The following SEC16A variants were observed in gnomAD, a reference collection of about 807,000 sequenced individuals.
The protein encoded by SEC16A is SEC16 homolog A, endoplasmic reticulum export factor.
SEC16A carries 110 observed loss-of-function variants against 221.9 expected under a neutral mutation model. The observed-to-expected ratio is 0.50, with a 90% CI of 0.42 to 0.58. The LOEUF is 0.58. SEC16A is among the 20% of genes least tolerant of loss of function. SEC16A has a pLI of 0.00. For missense variants in SEC16A, 3,165 were observed against 3,097.8 expected, an observed-to-expected ratio of 1.02 and a Z score of -0.52; for synonymous variants, 1,393 against 1,257.7, an observed-to-expected ratio of 1.11 and a Z score of -2.28.
intron 28 of SEC16A, among the ~76,000 whole-genome samples, chr9:136,446,635 G>A (rs886625221): frequency 6.6e-6 from 1 of 151,960 alleles, no homozygotes; most frequent in Non-Finnish European, 1.5e-5. Context: ...AACCATCACC[G>A]CCACTATCCC....
chr9:136,477,390 G>C lies in SEC16A; in HGVS notation c.226C>G (p.Pro76Ala). ...GCGGGGGCTGGGCCTTGCAAGACAGGTGGACTGCTTTTGGACGAACTGCCC... is the reference window on the plus strand; with the variant it reads ...GCGGGGGCTGGGCCTTGCAAGACAGCTGGACTGCTTTTGGACGAACTGCCC... ...PLGSSSKSSP[P>A]VLQGPAPAGF... is the part of the protein sequence containing the mutation. The change falls in exon 3 of 32, where the codon CCT becomes GCT. Residue 76 changes from proline (P) to alanine (A), a missense_variant. Coordinates refer to ENST00000684901, the MANE Select transcript of SEC16A (RefSeq NM_014866.2). 1.2e-6 allele frequency: 2 copies of C among 1,614,004 alleles called. No individual in the cohort carries two copies. The highest frequency in any genetic ancestry group is 1.7e-6 in the Non-Finnish European group (2 of 1,179,892).
In SEC16A at chr9:136,463,020, A is replaced by G. The variant is rs750504277; in HGVS notation, c.4760T>C (p.Val1587Ala). 8 of 1,612,156 alleles carry G rather than the reference A, an allele frequency of 5.0e-6. No individual in the cohort carries two copies. The highest frequency in any genetic ancestry group is 1.1e-5 in the South Asian group (1 of 91,088). Residue 1587 changes from valine (V) to alanine (A), a missense_variant, in exon 12 of 32, where the codon GTG (valine) becomes GCG (alanine). Transcript: ENST00000684901. Reference sequence around the variant, plus strand: ...AGACTCCTCCTCTTCCACCTGCTCCACTGCCTCATTCGTGAAATCAATCAG... The same window carrying G: ...AGACTCCTCCTCTTCCACCTGCTCCGCTGCCTCATTCGTGAAATCAATCAG... ...ANLIDFTNEA[V>A]EQVEEEESGE...
intron 30 of SEC16A, among the ~76,000 whole-genome samples, chr9:136,444,778 C>G (rs1290754069): frequency 6.6e-6 from 1 of 151,334 alleles, no homozygotes; most frequent in Non-Finnish European, 1.5e-5. Context: ...CTCAGGAAGG[C>G]CGAGACAGGA....
In SEC16A at chr9:136,450,579, G is replaced by A. The variant is rs191411751; in HGVS notation, c.6312+677C>T. 5.9e-5 allele frequency among the ~76,000 whole-genome samples: 9 copies of A among 152,250 alleles called. No homozygotes were observed. In the South Asian group the frequency reaches 6.2e-4, roughly 11 times the overall value. Reference sequence around the variant, plus strand: ...GAGAAGGTGCCCAGCGTCACACCTCGCTGTGGAGATGCAGAGGAAGACACA... The same window carrying A: ...GAGAAGGTGCCCAGCGTCACACCTCACTGTGGAGATGCAGAGGAAGACACA... On this transcript the variant is annotated intron_variant, in intron 23 of 31. Transcript: ENST00000684901.
chr9:136,458,130 ATTTTTTTT>A (rs1222002410), intron 17 of SEC16A, among the ~76,000 whole-genome samples: 1 of 116,246 alleles, frequency 8.6e-6, no homozygotes, highest in South Asian at 2.8e-4. Flanking sequence ...TAATTTTTGT[ATTTTTTTT>A]TTTTTTTTTT....
At chr9:136,461,083 G>A in intron 13 of SEC16A, 94 bp downstream of exon 13, 1 of 936,074 alleles carries the variant, frequency 1.1e-6, no homozygotes, top group Non-Finnish European at 1.7e-6. Context: ...AGTCAAGTGA[G>A]ATCCGCCTGC....
Position 136,475,567 on chromosome 9 carries a change from C to T in SEC16A, c.2049G>A (p.Thr683=), listed in dbSNP as rs764881602. Residue 683 remains threonine, a synonymous_variant, in exon 3 of 32, where the codon ACG becomes ACA. Transcript: ENST00000684901. The surrounding 1 kb of genome is among the most constrained non-coding windows in gnomAD (Gnocchi z 5.0). ...CGTGCGGAAGCATGTGCACAGCTTC[C>T]GTGGTGGAGTTAAGAGGCAGGGGAC... The part of the protein sequence containing the change: ...QVCPLPLNST[T]EAVHMLPHAG... 26 of 1,613,340 alleles carry T rather than the reference C, an allele frequency of 1.6e-5. No individual in the cohort carries two copies. The East Asian group carries it at 2.0e-4, about 12-fold the overall frequency.
chr9:136,466,474 C>T lies in SEC16A; in HGVS notation c.3930-12G>A. ...CACGTTTCTCGGGCCTAGAGGAAGC[C>T]GGGGGACAGAGGCAGAGGAATGGGA... On this transcript the variant is annotated splice_polypyrimidine_tract_variant and intron_variant, in intron 6 of 31. Coordinates refer to ENST00000684901, the MANE Select transcript of SEC16A (RefSeq NM_014866.2). The surrounding 1 kb of genome is among the most constrained non-coding windows in gnomAD (Gnocchi z 5.5). 3 of 1,590,508 alleles carry T rather than the reference C, an allele frequency of 1.9e-6. No homozygotes were observed. The highest frequency in any genetic ancestry group is 2.3e-5 in the East Asian group (1 of 44,214).
In SEC16A at chr9:136,457,523, T is replaced by C. The variant is rs1838852595; in HGVS notation, c.5471A>G (p.His1824Arg). Residue 1824 changes from histidine (H) to arginine (R), a missense_variant, in exon 18 of 32, where the codon CAC becomes CGC. Around this residue, in one of 3 missense-constraint regions of SEC16A, gnomAD observed 1,088 missense variants for 1,089.6 expected, o/e 1.00. Transcript: ENST00000684901. ...AEMGLATQAF[H>R]YCEAIAKSIL... Reference sequence around the variant, plus strand: ...GCTCTTCGCGATGGCCTCACAGTAGTGGAAGGCTTGCGTGGCCAGCCCCAT... The same window carrying C: ...GCTCTTCGCGATGGCCTCACAGTAGCGGAAGGCTTGCGTGGCCAGCCCCAT... 1.2e-6 allele frequency: 2 copies of C among 1,610,448 alleles called. No individual in the cohort carries two copies. The highest frequency in any genetic ancestry group is 8.5e-7 in the Non-Finnish European group (1 of 1,178,320).
Position 136,441,711 on chromosome 9 carries a change from C to T in SEC16A, c.*44G>A, listed in dbSNP as rs371149854. 1.6e-5 allele frequency: 25 copies of T among 1,584,548 alleles called. No homozygotes were observed. In the African/African-American group the frequency reaches 2.8e-4, roughly 18 times the overall value. On this transcript the variant is annotated 3_prime_UTR_variant, in exon 32 of 32. Coordinates refer to ENST00000684901, the MANE Select transcript of SEC16A (RefSeq NM_014866.2). ...GGTCGGTCGGGTTCTTCGGGGAGAA[C>T]AGCAGCGTCAGGGCTCCAAGTGCAA...
chr9:136,483,110 T>A (rs981217700), upstream of SEC16A: 1 of 768,636 alleles, frequency 1.3e-6, no homozygotes, highest in African/African-American at 1.9e-5. Flanking sequence ...GCCCCGCCCC[T>A]GGCCCCGCCC....
chr9:136,459,251 G>C lies in SEC16A; in HGVS notation c.5304-12C>G. 1 of 1,610,118 alleles carries C rather than the reference G, an allele frequency of 6.2e-7. No homozygotes were observed. The highest frequency in any genetic ancestry group is 8.5e-7 in the Non-Finnish European group (1 of 1,177,940). On this transcript the variant is annotated splice_polypyrimidine_tract_variant and intron_variant, in intron 16 of 31. Transcript: ENST00000684901. The surrounding 1 kb of genome is among the most constrained non-coding windows in gnomAD (Gnocchi z 6.1). ...TTAAGAATGGCAAACTGTAGAGGAAGTGAATTATTTTGATTTGGAAAAAAT... is the reference window on the plus strand; with the variant it reads ...TTAAGAATGGCAAACTGTAGAGGAACTGAATTATTTTGATTTGGAAAAAAT...
intron 1 of SEC16A, among the ~76,000 whole-genome samples, chr9:136,480,110 T>C (rs1842135283): frequency 6.6e-6 from 1 of 152,198 alleles, no homozygotes; most frequent in Admixed American, 6.5e-5. Context: ...AAACAAAGAA[T>C]GTTCACAGCT....
chr9:136,476,902 G>A lies in SEC16A; in HGVS notation c.714C>T (p.Pro238=), dbSNP rs367627396. The A allele has an allele frequency of 3.4e-4, 548 of 1,611,806 alleles. 1 individual carries two copies. The African/African-American group carries it at 6.1e-3, about 18-fold the overall frequency. The change falls in exon 3 of 32, where the codon CCC becomes CCT. Residue 238 remains proline, a synonymous_variant. Coordinates refer to ENST00000684901, the MANE Select transcript of SEC16A (RefSeq NM_014866.2). The part of the protein sequence containing the change: ...HRSPCPEGPV[P]SGVPCATSVP... ...CGCTGGTGGCACAGGGCACCCCGCT[G>A]GGAACAGGTCCTTCAGGGCAGGGTG...
At chr9:136,449,308 T>TGGCGCGATCTCGGCGCACTGCAAC (rs1837461947) in intron 23 of SEC16A, among the ~76,000 whole-genome samples, 2 of 152,366 alleles carry the variant, frequency 1.3e-5, no homozygotes, top group Admixed American at 1.3e-4. Context: ...TGGAGTGCAA[T>TGGCGCGATCTCGGCGCACTGCAAC]GGCGCGATCT....
rs1223230870 is a variant in SEC16A at position 136,466,138 on chromosome 9, T to G, written c.4129-2A>C. 6.9e-6 allele frequency: 11 copies of G among 1,586,196 alleles called. No individual in the cohort carries two copies. The highest frequency in any genetic ancestry group is 9.4e-6 in the Non-Finnish European group (11 of 1,164,280). ...ATTGTGGCTTCTGTAAATCTGACTC[T>G]TAGAAAACAAAGCAAACGGGCAAAA... is the stretch of plus-strand genomic sequence containing the variant. On this transcript the variant is annotated splice_acceptor_variant, in intron 7 of 31. Coordinates refer to ENST00000684901, the MANE Select transcript of SEC16A (RefSeq NM_014866.2). LOFTEE classifies it high-confidence loss of function. The surrounding 1 kb of genome is among the most constrained non-coding windows in gnomAD (Gnocchi z 5.5).
At position 136,468,414 on chromosome 9, in the gene SEC16A, C is replaced by A; in HGVS notation, c.3802+1G>T. On this transcript the variant is annotated splice_donor_variant, in intron 5 of 31. Transcript: ENST00000684901. LOFTEE classifies it high-confidence loss of function. The stretch of plus-strand genomic sequence containing the variant: ...CAGCTGCTTGGAGTTCCTTGACATA[C>A]CTCCATAATCGTACTGGCTGGAGTA... The A allele has an allele frequency of 6.3e-7, 1 of 1,597,570 alleles. No homozygotes were observed. Among genetic ancestry groups the A allele is most frequent in the Non-Finnish European group, 8.6e-7 (1 of 1,165,560 alleles).
Position 136,459,923 on chromosome 9 carries a change from CA to C in SEC16A, c.5074-50del. The C allele has an allele frequency of 6.4e-7, 1 of 1,563,758 alleles. No individual in the cohort carries two copies. Among genetic ancestry groups the C allele is most frequent in the South Asian group, 1.2e-5 (1 of 86,890 alleles). ...AAGCCTCATCCCCGGAAGCCAGCGC[CA>C]TTTCAATTCCACACAGCTGGGCTCA... On this transcript the variant is annotated intron_variant, in intron 14 of 31. Transcript: ENST00000684901. The surrounding 1 kb of genome is among the most constrained non-coding windows in gnomAD (Gnocchi z 6.1).
At chr9:136,451,637 GCAGC>G (rs1293859115) in intron 22 of SEC16A, among the ~76,000 whole-genome samples, 13 of 152,328 alleles carry the variant, frequency 8.5e-5, no homozygotes, top group African/African-American at 3.1e-4. Flanking sequence ...CACTTAATAA[GCAGC>G]TCCGTCTGGG....
Sources: allele counts gnomAD v4.1 joint callset (sites outside exome capture counted in the v4.1 genomes callset), GRCh38; gene constraint gnomAD v4.1.1; regional missense constraint gnomAD v4.1.1; non-coding constraint Gnocchi (gnomAD v3.1); transcripts MANE v1.5; gene names NCBI Gene and HGNC (gene_info 2026-07-23, HGNC 2026-07-21).